The following PPP2R2B variants were observed in gnomAD, a reference collection of about 807,000 sequenced individuals.
PPP2R2B encodes the protein serine/threonine-protein phosphatase 2A 55 kDa regulatory subunit B beta isoform.
In PPP2R2B, 5 loss-of-function variants were observed where a neutral mutation model predicts 46.0. The ratio of observed to expected loss-of-function variants is 0.11; its 90% CI spans 0.06 to 0.23. The LOEUF (loss-of-function observed/expected upper bound fraction) is 0.23. Ranked by LOEUF, PPP2R2B falls within the 10% of genes least tolerant of loss-of-function variation. The probability of loss-of-function intolerance (pLI) is 1.00; values close to 1 mark genes in which losing one functional copy is unlikely to be tolerated. For missense variants in PPP2R2B, 367 were observed against 575.0 expected, an observed-to-expected ratio of 0.64 and a Z score of 3.70; for synonymous variants, 215 against 206.7, an observed-to-expected ratio of 1.04 and a Z score of -0.34.
intron 1 of PPP2R2B, among the ~76,000 whole-genome samples, chr5:146,966,608 C>T (rs979296960): frequency 6.6e-6 from 1 of 152,104 alleles, no homozygotes; most frequent in Admixed American, 6.6e-5. Flanking sequence ...TTTCTGTTTC[C>T]CATCCCCTTC....
At chr5:146,944,381 A>T (rs1764414851) in intron 1 of PPP2R2B, among the ~76,000 whole-genome samples, 1 of 152,134 alleles carries the variant, frequency 6.6e-6, no homozygotes, top group South Asian at 2.1e-4. Context: ...AGATCCCACA[A>T]CCTTATTTTG....
At chr5:147,024,361 C>T (rs1189231516) in intron 1 of PPP2R2B, among the ~76,000 whole-genome samples, 1 of 151,970 alleles carries the variant, frequency 6.6e-6, no homozygotes, top group Non-Finnish European at 1.5e-5. Flanking sequence ...ATAGACAAAT[C>T]CACAATAATA....
intron 2 of PPP2R2B, among the ~76,000 whole-genome samples, chr5:146,801,761 C>T (rs1756880947): frequency 6.6e-6 from 1 of 152,214 alleles, no homozygotes; most frequent in Non-Finnish European, 1.5e-5. Flanking sequence ...AAATGCTTAG[C>T]ACAGTGCCTG....
chr5:146,628,632 T>C (rs1037200050), intron 7 of PPP2R2B, among the ~76,000 whole-genome samples: 5 of 152,216 alleles, frequency 3.3e-5, no homozygotes, highest in African/African-American at 1.2e-4. Context: ...AAGGAAGGTC[T>C]GCCCAAACCA....
upstream of PPP2R2B, among the ~76,000 whole-genome samples, chr5:147,058,052 A>G (rs1395686522): frequency 1.3e-5 from 2 of 152,200 alleles, no homozygotes; most frequent in Admixed American, 6.6e-5. Context: ...TATCTAAATA[A>G]TGAAAGTACA....
intron 1 of PPP2R2B, among the ~76,000 whole-genome samples, chr5:147,047,715 A>AGATTAGGTAGATGTTTTAG (rs1756608457): frequency 2.0e-5 from 3 of 152,128 alleles, no homozygotes; most frequent in Non-Finnish European, 4.4e-5. Context: ...TTTAGCCAAT[A>AGATTAGGTAGATGTTTTAG]CCTGAATATA....
intron 1 of PPP2R2B, among the ~76,000 whole-genome samples, chr5:146,915,410 CCTA>C (rs1409795958): frequency 7.9e-5 from 12 of 151,722 alleles, no homozygotes; most frequent in African/African-American, 2.7e-4. Context: ...ATCTTCCCCT[CCTA>C]CTCAATAAAT....
chr5:146,593,075 C>T lies in PPP2R2B; in HGVS notation c.961-13G>A. On this transcript the variant is annotated splice_polypyrimidine_tract_variant and intron_variant, in intron 8 of 9. Transcript: ENST00000394411. ...GGTAGTCATGAACCTGGAGAGGAAA[C>T]ATATCGAGAAGGTCAGTTATTATTT... 1 of 1,588,296 alleles carries T rather than the reference C, an allele frequency of 6.3e-7. No homozygotes were observed. Among genetic ancestry groups the T allele is most frequent in the Non-Finnish European group, 8.6e-7 (1 of 1,156,506 alleles).
At chr5:147,054,665 G>A (rs188456292) in intron 1 of PPP2R2B, 4 of 456,210 alleles carry the variant, frequency 8.8e-6, no homozygotes, top group Admixed American at 7.0e-5. Flanking sequence ...TCTACCTGGA[G>A]GATGAAAACA....
intron 1 of PPP2R2B, among the ~76,000 whole-genome samples, chr5:147,006,870 T>C (rs956533478): frequency 6.6e-6 from 1 of 152,168 alleles, no homozygotes; most frequent in Non-Finnish European, 1.5e-5. Context: ...TAGTATGAGA[T>C]GCCGCCCGGT....
intron 7 of PPP2R2B, among the ~76,000 whole-genome samples, chr5:146,616,357 C>A (rs1773169119): frequency 6.6e-6 from 1 of 152,090 alleles, no homozygotes; most frequent in South Asian, 2.1e-4. Context: ...CCCGCAAGCA[C>A]AAGCAACCAA....
intron 1 of PPP2R2B, among the ~76,000 whole-genome samples, chr5:147,029,503 T>A (rs867373676): frequency 6.6e-6 from 1 of 152,182 alleles, no homozygotes. Flanking sequence ...TTGTCCTGTA[T>A]CCAATACCCA....
rs116624106 is a variant in PPP2R2B, at chr5:146,990,230, T to A, written c.79+65435A>T. Among the ~76,000 whole-genome samples the A allele has an allele frequency of 7.4e-3, 1,122 of 151,786 alleles. 11 individuals carry two copies. The highest frequency in any genetic ancestry group is 0.026 in the African/African-American group (1,074 of 41,488). On this transcript the variant is annotated intron_variant, in intron 1 of 8. Coordinates refer to the PPP2R2B transcript ENST00000336640. ...ATTCTTCTCATAAATAGAAAAACAA[T>A]CTTAAAATTCATGTGGAAGTGCAAA... is the stretch of plus-strand genomic sequence containing the variant.
intron 5 of PPP2R2B, among the ~76,000 whole-genome samples, chr5:146,662,109 C>T (rs1412392998): frequency 1.3e-5 from 2 of 152,020 alleles, no homozygotes; most frequent in Non-Finnish European, 2.9e-5. Flanking sequence ...GAGGATTGAC[C>T]AAGCCTCCGA....
chr5:147,026,729 CA>C (rs750603397), intron 1 of PPP2R2B, among the ~76,000 whole-genome samples: 4 of 151,998 alleles, frequency 2.6e-5, no homozygotes, highest in Non-Finnish European at 5.9e-5. Flanking sequence ...ACCAGGGAAA[CA>C]AAAATTAAAA....
chr5:146,976,388 C>T (rs750422959), intron 1 of PPP2R2B, among the ~76,000 whole-genome samples: 9 of 152,022 alleles, frequency 5.9e-5, no homozygotes, highest in East Asian at 1.9e-4. Flanking sequence ...CCACTCACCT[C>T]GGCCTCCCAA....
intron 2 of PPP2R2B, among the ~76,000 whole-genome samples, chr5:146,728,580 G>A (rs975500691): frequency 1.3e-5 from 2 of 152,110 alleles, no homozygotes; most frequent in Non-Finnish European, 2.9e-5. Context: ...GAAGTGATAT[G>A]GTTTGGCTGT....
At position 146,722,189 on chromosome 5, in the gene PPP2R2B, T is replaced by C. The variant is rs11953321; in HGVS notation, c.71-21047A>G. 2.9e-3 allele frequency among the ~76,000 whole-genome samples: 444 copies of C among 152,306 alleles called. 2 individuals are homozygous for C. The highest frequency in any genetic ancestry group is 0.01 in the African/African-American group (418 of 41,560). On this transcript the variant is annotated intron_variant, in intron 2 of 9. Coordinates refer to ENST00000394411, the MANE Select transcript of PPP2R2B (RefSeq NM_181675.4). The stretch of plus-strand genomic sequence containing the variant: ...TTTACTACCTCCAGATACTATTTAC[T>C]GAAGACCTGCTATATGTTAGGTACT...
At chr5:146,956,366 C>A (rs1007058489) in intron 1 of PPP2R2B, among the ~76,000 whole-genome samples, 1 of 152,246 alleles carries the variant, frequency 6.6e-6, no homozygotes, top group African/African-American at 2.4e-5. Context: ...TGATCCCCAA[C>A]TATGTGGAAC....
Sources: allele counts gnomAD v4.1 joint callset (sites outside exome capture counted in the v4.1 genomes callset), GRCh38; gene constraint gnomAD v4.1.1; transcripts MANE v1.5; gene names NCBI Gene and HGNC (gene_info 2026-07-23, HGNC 2026-07-21).